The following ACSM3 variants were observed in gnomAD, a reference collection of about 807,000 sequenced individuals.
ACSM3 encodes the protein acyl-CoA synthetase medium chain family member 3.
ACSM3 carries 61 observed loss-of-function variants against 74.1 expected under a neutral mutation model. The observed-to-expected ratio is 0.82, with a 90% CI of 0.67 to 1.02. The LOEUF is 1.02. Among genes scored for constraint, ACSM3 ranks in the 50% least tolerant of loss-of-function variants. The probability of loss-of-function intolerance (pLI) is 0.00; values close to 1 mark genes in which losing one functional copy is unlikely to be tolerated. For missense variants in ACSM3, 660 were observed against 697.0 expected (o/e 0.95, Z 0.60); for synonymous variants, 213 against 241.5 (o/e 0.88, Z 1.09).
intron 8 of ACSM3, 40 bp from the exon 9 acceptor site, chr16:20,786,038 G>C (rs72778664): frequency 7.4e-7 from 1 of 1,358,772 alleles, no homozygotes; most frequent in Non-Finnish European, 1.0e-6. Flanking sequence ...AATTTTAAGT[G>C]ACTTGTAATG....
At position 20,777,562 on chromosome 16, in the gene ACSM3, A is replaced by AC. The variant is rs984179274; in HGVS notation, c.622dup (p.Leu208ProfsTer10). 6.2e-7 allele frequency: 1 copy of AC among 1,613,928 alleles called. No individual in the cohort carries two copies. Among genetic ancestry groups the AC allele is most frequent in the African/African-American group, 1.3e-5 (1 of 75,044 alleles). On this transcript the variant is annotated frameshift_variant, in exon 4 of 14. Coordinates refer to ENST00000289416, the MANE Select transcript of ACSM3 (RefSeq NM_005622.4). LOFTEE classifies it high-confidence loss of function. ...GAGAACTCCAGAGAGGGGTGGGGGA[A>AC]CCTCAAGGAGTTGATGAAGTGAGTA...
intron 2 of ACSM3, chr16:20,750,053 T>G (rs1320108839): frequency 6.6e-6 from 1 of 152,134 alleles, no homozygotes; most frequent in Non-Finnish European, 1.5e-5. Flanking sequence ...GGACCAACTT[T>G]TAAAAACTGA....
intron 1 of ACSM3, chr16:20,741,719 C>G (rs773578232): frequency 3.8e-6 from 6 of 1,575,820 alleles, no homozygotes; most frequent in Non-Finnish European, 5.2e-6. Context: ...GCTGAGTAGT[C>G]TGCTGGGCAG....
rs202155170 is a variant in ACSM3, at chr16:20,785,083, C to T, written c.1119C>T (p.Tyr373=). The T allele has an allele frequency of 6.3e-5, 101 of 1,613,224 alleles. 1 individual carries two copies. The African/African-American group carries it at 8.4e-4, about 13-fold the overall frequency. The part of the protein sequence containing the change: ...KWRNKTGLDI[Y]EGYGQTETVL... ...GAAACAAGACGGGCCTGGATATCTA[C>T]GAAGGATATGGACAGACTGAAACGG... Residue 373 remains tyrosine (Y), a synonymous_variant, in exon 8 of 14, where the codon TAC becomes TAT. Transcript: ENST00000289416.
At chr16:20,777,627 A>G in intron 4 of ACSM3, 47 bp downstream of exon 4, 1 of 1,514,290 alleles carries the variant, frequency 6.6e-7, no homozygotes. Context: ...AAGGAAAGGC[A>G]ACAATAAAAA....
chr16:20,675,965 G>A (rs2020251566), intron 1 of ACSM3, among the ~76,000 whole-genome samples: 1 of 152,172 alleles, frequency 6.6e-6, no homozygotes. Context: ...TGGCAACTAC[G>A]GAGACAAAAG....
chr16:20,737,887 A>G, intron 1 of ACSM3: 2 of 1,613,902 alleles, frequency 1.2e-6, no homozygotes, highest in Non-Finnish European at 1.7e-6. Flanking sequence ...CATTCGCAAA[A>G]TAACTCGAGT....
At chr16:20,689,033 A>G (rs1254254971) in intron 1 of ACSM3, among the ~76,000 whole-genome samples, 1 of 149,336 alleles carries the variant, frequency 6.7e-6, no homozygotes, top group Non-Finnish European at 1.5e-5. Flanking sequence ...TATTTACAAT[A>G]TCTATGTTAA....
At chr16:20,714,955 T>C (rs1222162758) in intron 1 of ACSM3, among the ~76,000 whole-genome samples, 1 of 152,232 alleles carries the variant, frequency 6.6e-6, no homozygotes. Context: ...CAGATTGTGA[T>C]GTCTTTTCTT....
intron 1 of ACSM3, among the ~76,000 whole-genome samples, chr16:20,710,279 C>A (rs1042428898): frequency 2.0e-5 from 3 of 152,152 alleles, no homozygotes; most frequent in African/African-American, 7.2e-5. Flanking sequence ...CCAATGGGCA[C>A]AACCACATGG....
rs59655300 is a variant in ACSM3 at position 20,750,844 on chromosome 16, G to GTTTTTTTTTTT, written c.-96+849_-96+859dup. Among the ~76,000 whole-genome samples the GTTTTTTTTTTT allele has an allele frequency of 8.7e-5, 10 of 115,372 alleles. 1 individual carries two copies. The highest frequency in any genetic ancestry group is 5.9e-4 in the South Asian group (2 of 3,410). The allele number at this position is 115,372 out of a possible 152,430, so 75.7% of individuals were successfully genotyped here. ...GAGAGAATATAAGTTTTGGAGTCAG[G>GTTTTTTTTTTT]TTTTTTTTTTTTTTTTTTGAAACGG... On this transcript the variant is annotated intron_variant, in intron 2 of 3. Transcript: ENST00000561584.
chr16:20,731,198 G>C (rs772111837), intron 1 of ACSM3, among the ~76,000 whole-genome samples: 5 of 152,046 alleles, frequency 3.3e-5, no homozygotes, highest in Non-Finnish European at 5.9e-5. Context: ...AGGATACACA[G>C]TCCTTCCTCC....
At chr16:20,733,629 G>T (rs1196862042) in intron 1 of ACSM3, 1 of 151,746 alleles carries the variant, frequency 6.6e-6, no homozygotes, top group East Asian at 1.9e-4. Flanking sequence ...GATTTACTAA[G>T]AGTCAGAAAG....
intron 1 of ACSM3, among the ~76,000 whole-genome samples, chr16:20,697,155 C>A (rs188551323): frequency 6.6e-6 from 1 of 152,264 alleles, no homozygotes; most frequent in Admixed American, 6.5e-5. Context: ...TCACTGCAGC[C>A]TCAATCTCCT....
At chr16:20,685,468 A>T in intron 1 of ACSM3, 1 of 1,414,200 alleles carries the variant, frequency 7.1e-7, no homozygotes, top group South Asian at 1.2e-5. Context: ...TAGTAAACTA[A>T]TCCACAGCCA....
intron 1 of ACSM3, chr16:20,703,901 T>C (rs1257122220): frequency 6.6e-6 from 1 of 152,222 alleles, no homozygotes; most frequent in Admixed American, 6.5e-5. Context: ...TCTTCTTCTA[T>C]TTCTTCATCT....
chr16:20,740,552 T>C (rs976321824), intron 1 of ACSM3, among the ~76,000 whole-genome samples: 3 of 152,256 alleles, frequency 2.0e-5, no homozygotes, highest in Non-Finnish European at 2.9e-5. Context: ...ATGTATTTTA[T>C]GTACATAAGC....
In ACSM3 at chr16:20,775,909, T is replaced by C; in HGVS notation, c.290T>C (p.Phe97Ser). 1 of 1,614,138 alleles carries C rather than the reference T, an allele frequency of 6.2e-7. No individual in the cohort carries two copies. Among genetic ancestry groups the C allele is most frequent in the South Asian group, 1.1e-5 (1 of 91,074 alleles). The change falls in exon 3 of 14, where the codon TTT (phenylalanine) becomes TCT (serine). Residue 97 changes from phenylalanine (F) to serine (S), a missense_variant. By Grantham distance (155) the Phe-to-Ser change is radical. Coordinates refer to ENST00000289416, the MANE Select transcript of ACSM3 (RefSeq NM_005622.4). ...NRNGEEMRWS[F>S]EELGSLSRKF... ...AATGGAGAAGAGATGCGATGGAGTT[T>C]TGAGGAACTGGGATCTCTGTCCAGA... is the stretch of plus-strand genomic sequence containing the variant.
chr16:20,736,862 C>G, intron 1 of ACSM3: 1 of 1,609,508 alleles, frequency 6.2e-7, no homozygotes, highest in Non-Finnish European at 8.5e-7. Context: ...AAACCCACCT[C>G]CAACACCAAA....
Sources: gnomAD v4.1 joint callset for allele counts (sites outside exome capture counted in the v4.1 genomes callset) on GRCh38, gnomAD v4.1.1 for gene constraint, MANE v1.5 for transcripts, NCBI Gene and HGNC (gene_info 2026-07-23, HGNC 2026-07-21) for gene names.